The following NLRP14 variants were observed in gnomAD, a reference collection of about 807,000 sequenced individuals.
NLRP14 encodes the protein NLR family pyrin domain containing 14.
A neutral mutation model predicts 94.7 loss-of-function variants in NLRP14; 105 were observed. The ratio of observed to expected loss-of-function variants is 1.11; its 90% CI spans 0.95 to 1.30. The LOEUF (loss-of-function observed/expected upper bound fraction) is 1.30. Ranked by LOEUF, NLRP14 falls within the 50% of genes most tolerant of loss-of-function variation. NLRP14 has a pLI of 0.00. For missense variants in NLRP14, 1,362 were observed against 1,254.1 expected (o/e 1.09, Z -1.30); for synonymous variants, 508 against 459.9 (o/e 1.10, Z -1.34).
At chr11:7,059,573 T>TTACTCTTA (rs1409013361) in intron 8 of NLRP14, among the ~76,000 whole-genome samples, 1 of 152,014 alleles carries the variant, frequency 6.6e-6, no homozygotes, top group Non-Finnish European at 1.5e-5. Flanking sequence ...TTTATTAAGA[T>TTACTCTTA]TACTCTTATT....
Position 7,071,381 on chromosome 11 carries a change from G to A in NLRP14, c.*73G>A. On this transcript the variant is annotated 3_prime_UTR_variant, in exon 12 of 12. Coordinates refer to ENST00000299481, the MANE Select transcript of NLRP14 (RefSeq NM_176822.4). ...ATACATAGATATATACCCAGACTTG[G>A]GTGCTTAGCTTCAGATACTCTATGC... 2 of 1,303,782 alleles carry A rather than the reference G, an allele frequency of 1.5e-6. No homozygotes were observed. Among genetic ancestry groups the A allele is most frequent in the Non-Finnish European group, 2.2e-6 (2 of 925,572 alleles). 80.8% of individuals were successfully genotyped at this position (1,303,782 alleles called of 1,614,324 possible).
rs767871371 is a variant in NLRP14, at chr11:7,058,233, T to C, written c.2463-47T>C. The C allele has an allele frequency of 2.6e-6, 4 of 1,532,316 alleles. No homozygotes were observed. The African/African-American group carries it at 4.1e-5, about 16-fold the overall frequency. The allele number at this position is 1,532,316 out of a possible 1,614,324, so 94.9% of individuals were successfully genotyped here. On this transcript the variant is annotated intron_variant, in intron 7 of 11. Coordinates refer to ENST00000299481, the MANE Select transcript of NLRP14 (RefSeq NM_176822.4). ...TTCCCTGTGAAGGAGAAGAGAAGCA[T>C]GGGCTTTGGGAATTGACAGATCTCT...
At chr11:7,073,110 A>G (rs558000595), downstream of NLRP14, among the ~76,000 whole-genome samples, 8 of 152,240 alleles carry the variant, frequency 5.3e-5, no homozygotes, top group African/African-American at 1.9e-4. Context: ...GTGGGGATTC[A>G]GGATTTGAAA....
chr11:7,051,348 A>T (rs1852438822), intron 6 of NLRP14, among the ~76,000 whole-genome samples: 1 of 152,186 alleles, frequency 6.6e-6, no homozygotes, highest in Non-Finnish European at 1.5e-5. Context: ...ATGTTATAAG[A>T]GCCATGGGTA....
chr11:7,089,118 A>C, the NLRP14 span: 1 of 1,613,512 alleles, frequency 6.2e-7, no homozygotes, highest in Non-Finnish European at 8.5e-7. Flanking sequence ...TCGACCGGCA[A>C]ACATGGTTGA....
At position 7,043,427 on chromosome 11, in the gene NLRP14, G is replaced by C. The variant is rs1294685072; in HGVS notation, c.1401G>C (p.Gln467His). ...VSSFMDSNII[Q>H]KDAEYENCYV... is the part of the protein sequence containing the mutation. ...GTTTTATGGACAGCAATATTATTCA[G>C]AAGGACGCAGAGTATGAAAACTGCT... is the stretch of plus-strand genomic sequence containing the variant. The change falls in exon 4 of 12, where the codon CAG becomes CAC. Residue 467 changes from glutamine to histidine, a missense_variant. Transcript: ENST00000299481. The C allele has an allele frequency of 2.5e-6, 4 of 1,614,170 alleles. No homozygotes were observed. Among genetic ancestry groups the C allele is most frequent in the Non-Finnish European group, 3.4e-6 (4 of 1,180,018 alleles).
Position 7,046,734 on chromosome 11 carries a change from G to A in NLRP14, c.2025G>A (p.Leu675=). The change falls in exon 5 of 12, where the codon TTG becomes TTA. Residue 675 remains leucine, a synonymous_variant. Transcript: ENST00000299481. ...LCSVLHTNEH[L]RELDLYHSNL... ...CTGTGCTTCATACAAATGAACACTT[G>A]AGAGAATTGGACCTGTACCATAGCA... is the stretch of plus-strand genomic sequence containing the variant. 4 of 1,613,244 alleles carry A rather than the reference G, an allele frequency of 2.5e-6. No individual in the cohort carries two copies. Among genetic ancestry groups the A allele is most frequent in the Non-Finnish European group, 2.5e-6 (3 of 1,179,180 alleles).
At chr11:7,035,286 C>G (rs1852145793) in intron 1 of NLRP14, among the ~76,000 whole-genome samples, 1 of 152,172 alleles carries the variant, frequency 6.6e-6, no homozygotes, top group South Asian at 2.1e-4. Context: ...AGATCCACCA[C>G]TACACTCCAG....
chr11:7,089,655 G>T, the NLRP14 span: 1 of 1,396,364 alleles, frequency 7.2e-7, no homozygotes, highest in South Asian at 1.6e-5. Flanking sequence ...TGGAATGCGC[G>T]GGAGGGCCCT....
rs144592012 is a variant in NLRP14, at chr11:7,053,567, A to G, written c.2291+3729A>G. Among the ~76,000 whole-genome samples, 848 of 151,606 alleles carry G rather than the reference A, an allele frequency of 5.6e-3. 14 individuals carry two copies. Among genetic ancestry groups the G allele is most frequent in the African/African-American group, 0.02 (817 of 41,460 alleles). ...AATTATTTAATTTAGACTTCTCATT[A>G]AAGAAATACAGAAGTTTTGTGGTCT... On this transcript the variant is annotated intron_variant, in intron 6 of 11. Transcript: ENST00000299481.
intron 6 of NLRP14, among the ~76,000 whole-genome samples, chr11:7,055,995 A>G (rs1350589823): frequency 6.6e-6 from 1 of 152,038 alleles, no homozygotes; most frequent in Non-Finnish European, 1.5e-5. Context: ...TTTAGGGGTC[A>G]GTTTGGAGCC....
In NLRP14 at chr11:7,059,906, C is replaced by A. The variant is rs745797642; in HGVS notation, c.2646C>A (p.Cys882Ter). The change falls in exon 9 of 12, where the codon TGC becomes TGA. Residue 882 changes from cysteine (C) to a stop codon, truncating the protein, a stop_gained. Transcript: ENST00000299481. LOFTEE classifies it high-confidence loss of function. ...GTCCTTCCTGTAGGCTGAGGCGTTGCCATTTCACTTCACTTAGCAGTGAAT... is the reference window on the plus strand; with the variant it reads ...GTCCTTCCTGTAGGCTGAGGCGTTGACATTTCACTTCACTTAGCAGTGAAT... ...CTLKSLVLRR[C>*]HFTSLSSEYL... 4 of 1,612,134 alleles carry A rather than the reference C, an allele frequency of 2.5e-6. No homozygotes were observed. Among genetic ancestry groups the A allele is most frequent in the Non-Finnish European group, 3.4e-6 (4 of 1,178,582 alleles).
rs183296934 is a variant in NLRP14, at chr11:7,025,677, C to T, written c.-22+4907C>T. On this transcript the variant is annotated intron_variant, in intron 1 of 11. Transcript: ENST00000299481. ...TCTGTGAGGTGAGTAAAAAAAGATA[C>T]GAGGCAAATGAGCAAAAATGTCAAA... Among the ~76,000 whole-genome samples, 395 of 152,062 alleles carry T rather than the reference C, an allele frequency of 2.6e-3. 3 individuals are homozygous for T. The highest frequency in any genetic ancestry group is 9.3e-3 in the African/African-American group (387 of 41,498).
At chr11:7,055,994 C>G (rs1443185171) in intron 6 of NLRP14, among the ~76,000 whole-genome samples, 1 of 151,914 alleles carries the variant, frequency 6.6e-6, no homozygotes, top group Non-Finnish European at 1.5e-5. Context: ...ATTTAGGGGT[C>G]AGTTTGGAGC....
chr11:7,057,556 G>T, intron 6 of NLRP14, 121 bp from the exon 7 acceptor site: 1 of 909,890 alleles, frequency 1.1e-6, no homozygotes, highest in Admixed American at 1.8e-5. Context: ...GTGTAGAGAA[G>T]TTGGATTTTT....
downstream of NLRP14, among the ~76,000 whole-genome samples, chr11:7,072,856 A>C (rs1234657496): frequency 1.3e-5 from 2 of 151,948 alleles, no homozygotes; most frequent in African/African-American, 4.8e-5. Flanking sequence ...GTGGCCACTT[A>C]TTGTCTCAGA....
At chr11:7,065,038 C>G (rs1852684284) in intron 10 of NLRP14, among the ~76,000 whole-genome samples, 1 of 151,998 alleles carries the variant, frequency 6.6e-6, no homozygotes, top group African/African-American at 2.4e-5. Context: ...TTCTTCCCAT[C>G]TTCTTAAAGA....
At chr11:7,080,618 C>G in the NLRP14 span, among the ~76,000 whole-genome samples, 1 of 152,140 alleles carries the variant, frequency 6.6e-6, no homozygotes, top group Non-Finnish European at 1.5e-5. Context: ...TATGGTCACA[C>G]AGGTTCAAGC....
the NLRP14 span, among the ~76,000 whole-genome samples, chr11:7,078,187 C>G: frequency 8.6e-5 from 13 of 152,010 alleles, no homozygotes; most frequent in East Asian, 2.3e-3. Flanking sequence ...GCCTGTAATC[C>G]TAGCACTTTG....
Sources: gnomAD v4.1 joint callset for allele counts (sites outside exome capture counted in the v4.1 genomes callset) on GRCh38, gnomAD v4.1.1 for gene constraint, MANE v1.5 for transcripts, NCBI Gene and HGNC (gene_info 2026-07-23, HGNC 2026-07-21) for gene names.